FAM135B: variants seen among roughly 807,000 people sequenced by gnomAD.
FAM135B encodes the protein family with sequence similarity 135 member B, also known as protein FAM135B.
A neutral mutation model predicts 127.7 loss-of-function variants in FAM135B; 43 were observed. That is an observed-to-expected ratio of 0.34 (90% CI 0.26 to 0.43). The LOEUF (loss-of-function observed/expected upper bound fraction) is 0.43, where lower values mean the gene tolerates loss of function less well. Among genes scored for constraint, FAM135B ranks in the 20% least tolerant of loss-of-function variants. The pLI is 1.00. For synonymous variants in FAM135B, 670 were observed against 665.1 expected, an observed-to-expected ratio of 1.01 and a Z score of -0.11; for missense variants, 1,558 against 1,725.6, an observed-to-expected ratio of 0.90 and a Z score of 1.72.
At chr8:138,446,922 T>C (rs11783365) in intron 1 of FAM135B, among the ~76,000 whole-genome samples, 65,757 of 151,860 alleles carry the variant, frequency 0.43, 14,880 homozygotes, top group Non-Finnish European at 0.48. Context: ...AAAGGGCTAA[T>C]ATCCAGAATC....
intron 3 of FAM135B, among the ~76,000 whole-genome samples, chr8:138,298,180 C>T (rs371543679): frequency 1.3e-5 from 2 of 152,132 alleles, no homozygotes; most frequent in African/African-American, 4.8e-5. Context: ...CAAATAACTC[C>T]TGGCATGTAA....
intron 1 of FAM135B, among the ~76,000 whole-genome samples, chr8:138,413,699 C>G (rs1833987748): frequency 6.6e-6 from 1 of 151,938 alleles, no homozygotes; most frequent in Admixed American, 6.6e-5. Flanking sequence ...GAAAGCTACT[C>G]AATTCTGTGT....
chr8:138,406,135 G>C (rs1410244207), intron 1 of FAM135B, among the ~76,000 whole-genome samples: 3 of 150,238 alleles, frequency 2.0e-5, no homozygotes, highest in Admixed American at 2.0e-4. Flanking sequence ...AGATGAGTAG[G>C]TTGCGAAAAT....
chr8:138,295,154 T>C (rs966722050), intron 3 of FAM135B, among the ~76,000 whole-genome samples: 1 of 125,746 alleles, frequency 8.0e-6, no homozygotes, highest in African/African-American at 3.1e-5. Context: ...TTGCCCAGGC[T>C]CCTCAATGCA....
intron 1 of FAM135B, chr8:138,440,188 G>C (rs1835680375): frequency 6.6e-6 from 1 of 152,096 alleles, no homozygotes; most frequent in Non-Finnish European, 1.5e-5. Context: ...AAAGTTCCAG[G>C]TGAGAGGTAG....
chr8:138,363,112 T>G (rs1271154827), intron 2 of FAM135B, among the ~76,000 whole-genome samples: 2 of 152,124 alleles, frequency 1.3e-5, no homozygotes, highest in East Asian at 3.9e-4. Flanking sequence ...AAGAATTGTC[T>G]GATGAGTGAG....
At chr8:138,179,217 C>T (rs112338622) in intron 9 of FAM135B, among the ~76,000 whole-genome samples, 4 of 152,274 alleles carry the variant, frequency 2.6e-5, no homozygotes, top group African/African-American at 9.6e-5. Flanking sequence ...CACAGTTGCC[C>T]CAGCTGGAAA....
At chr8:138,276,727 GGCACACAC>G in intron 3 of FAM135B, among the ~76,000 whole-genome samples, 1 of 152,108 alleles carries the variant, frequency 6.6e-6, no homozygotes, top group African/African-American at 2.4e-5. Context: ...TGTCCATTAG[GGCACACAC>G]CCACACACCA....
intron 3 of FAM135B, chr8:138,308,932 G>A: frequency 2.3e-6 from 1 of 426,554 alleles, no homozygotes; most frequent in South Asian, 1.7e-5. Flanking sequence ...TTGACCCTGA[G>A]AGCAGGTTCC....
At chr8:138,492,195 G>T (rs141487417) in intron 1 of FAM135B, among the ~76,000 whole-genome samples, 1 of 152,064 alleles carries the variant, frequency 6.6e-6, no homozygotes, top group African/African-American at 2.4e-5. Flanking sequence ...CTTCTCTCAC[G>T]GTGGGAGGAT....
At chr8:138,480,993 T>C (rs1814753459) in intron 1 of FAM135B, among the ~76,000 whole-genome samples, 1 of 152,232 alleles carries the variant, frequency 6.6e-6, no homozygotes, top group Non-Finnish European at 1.5e-5. Context: ...AATGAACATG[T>C]GTTTGAACAC....
chr8:138,204,484 T>A (rs1167860961), intron 7 of FAM135B, among the ~76,000 whole-genome samples: 4 of 152,188 alleles, frequency 2.6e-5, no homozygotes, highest in African/African-American at 9.7e-5. Flanking sequence ...TTTCACTGAA[T>A]ACACAGAGAA....
At chr8:138,440,512 C>T (rs1188266508) in intron 1 of FAM135B, 1 of 151,256 alleles carries the variant, frequency 6.6e-6, no homozygotes, top group East Asian at 1.9e-4. Context: ...CATGAAAGTA[C>T]TAACTGCATT....
chr8:138,153,661 T>C (rs1351536476), intron 12 of FAM135B, among the ~76,000 whole-genome samples: 1 of 152,046 alleles, frequency 6.6e-6, no homozygotes, highest in Non-Finnish European at 1.5e-5. Flanking sequence ...GCTTGGAGGG[T>C]CCTACACCCA....
chr8:138,491,798 G>A (rs1197726696), intron 1 of FAM135B, among the ~76,000 whole-genome samples: 3 of 152,190 alleles, frequency 2.0e-5, no homozygotes, highest in African/African-American at 7.2e-5. Flanking sequence ...ATATGCTAAG[G>A]TGACATTTGA....
intron 3 of FAM135B, among the ~76,000 whole-genome samples, chr8:138,294,296 C>T (rs1825326619): frequency 6.6e-6 from 1 of 151,896 alleles, no homozygotes; most frequent in Admixed American, 6.6e-5. Context: ...GTACCATGTA[C>T]AATACTTGGG....
intron 1 of FAM135B, among the ~76,000 whole-genome samples, chr8:138,477,015 A>G (rs982810667): frequency 1.3e-5 from 2 of 152,332 alleles, no homozygotes; most frequent in East Asian, 1.9e-4. Context: ...TGAGAGAGAA[A>G]TGGTTCCTGA....
At chr8:138,164,204 G>A (rs1490332371) in intron 12 of FAM135B, among the ~76,000 whole-genome samples, 1 of 152,160 alleles carries the variant, frequency 6.6e-6, no homozygotes, top group East Asian at 1.9e-4. Flanking sequence ...GAGAGATCAA[G>A]GAGTTCAAGA....
chr8:138,142,288 CTTTT>C (rs71316322), intron 16 of FAM135B, among the ~76,000 whole-genome samples: 115 of 62,388 alleles, frequency 1.8e-3, no homozygotes, highest in Middle Eastern at 0.011. Context: ...TCTGCTTCTT[CTTTT>C]TTTTTTTTTT....
Sources: allele counts gnomAD v4.1 joint callset (sites outside exome capture counted in the v4.1 genomes callset), GRCh38; gene constraint gnomAD v4.1.1; transcripts MANE v1.5; gene names NCBI Gene and HGNC (gene_info 2026-07-23, HGNC 2026-07-21).